The following ANO3 variants were observed in gnomAD, a reference collection of about 807,000 sequenced individuals.
ANO3 encodes the protein anoctamin-3.
Under a neutral mutation model 144.8 loss-of-function variants are expected in ANO3, and 99 were observed. That is an observed-to-expected ratio of 0.68 (90% CI 0.58 to 0.81). The LOEUF (loss-of-function observed/expected upper bound fraction) is 0.81, where lower values mean the gene tolerates loss of function less well. ANO3 is among the 30% of genes least tolerant of loss of function. ANO3 has a pLI of 0.00. For missense variants in ANO3, 905 were observed against 1,202.2 expected (o/e 0.75, Z 3.66); for synonymous variants, 414 against 392.6 (o/e 1.05, Z -0.64).
intron 1 of ANO3, among the ~76,000 whole-genome samples, chr11:26,233,000 G>A (rs1319385659): frequency 6.6e-6 from 1 of 152,078 alleles, no homozygotes; most frequent in East Asian, 1.9e-4. Context: ...GGCGGATCAC[G>A]AGGTCAGGAG....
rs1853881007 is a variant in ANO3, at chr11:26,661,645, T to A, written c.*1201T>A. On this transcript the variant is annotated 3_prime_UTR_variant, in exon 27 of 27. Transcript: ENST00000256737. ...TATGTTATTATTTCTTCCATAGTTT[T>A]GTTTTGGTTTATTTTTAACAACGCT... 1 of 152,132 alleles carries A rather than the reference T, an allele frequency of 6.6e-6. No homozygotes were observed. Among genetic ancestry groups the A allele is most frequent in the South Asian group, 2.1e-4 (1 of 4,834 alleles). 9.4% of individuals were successfully genotyped at this position (152,132 alleles called of 1,614,324 possible).
intron 8 of ANO3, 36 bp from the exon 9 acceptor site, chr11:26,534,420 G>T: frequency 1.4e-6 from 2 of 1,388,962 alleles, no homozygotes; most frequent in Non-Finnish European, 1.0e-6. Flanking sequence ...TCTGTGTTCT[G>T]CTTTGAATAT....
chr11:26,381,063 C>T (rs573189459), intron 1 of ANO3, among the ~76,000 whole-genome samples: 8 of 152,214 alleles, frequency 5.3e-5, no homozygotes, highest in South Asian at 2.1e-4. Flanking sequence ...CAGACTGAAT[C>T]GAGGCCCCTG....
chr11:26,335,644 C>A (rs555379139), intron 1 of ANO3, among the ~76,000 whole-genome samples: 1 of 152,298 alleles, frequency 6.6e-6, no homozygotes, highest in East Asian at 1.9e-4. Flanking sequence ...TTACTGTCCA[C>A]TCTTAAGTAC....
intron 17 of ANO3, among the ~76,000 whole-genome samples, chr11:26,609,370 G>A (rs1171144311): frequency 6.6e-6 from 1 of 151,690 alleles, no homozygotes; most frequent in Non-Finnish European, 1.5e-5. Flanking sequence ...TCCTGCAGGT[G>A]CAGGATATCA....
intron 4 of ANO3, among the ~76,000 whole-genome samples, chr11:26,486,517 C>G (rs1236984775): frequency 6.6e-6 from 1 of 152,088 alleles, no homozygotes; most frequent in Non-Finnish European, 1.5e-5. Context: ...TGTAAGTGCT[C>G]TTTGGCGTGA....
At chr11:26,438,778 C>CAAA (rs59906437) in intron 1 of ANO3, among the ~76,000 whole-genome samples, 1 of 108,856 alleles carries the variant, frequency 9.2e-6, no homozygotes. Flanking sequence ...AACTCTGTCT[C>CAAA]AAAAAAAAAA....
intron 14 of ANO3, among the ~76,000 whole-genome samples, chr11:26,591,781 C>T (rs958254125): frequency 6.6e-6 from 1 of 152,144 alleles, no homozygotes; most frequent in African/African-American, 2.4e-5. Flanking sequence ...GCTTGAAGAG[C>T]AGGTGCAGAT....
intron 1 of ANO3, among the ~76,000 whole-genome samples, chr11:26,339,709 A>T (rs1223525773): frequency 6.6e-6 from 1 of 152,138 alleles, no homozygotes; most frequent in Non-Finnish European, 1.5e-5. Flanking sequence ...TTCACCGTAT[A>T]TCTGAAATGA....
At chr11:26,213,285 A>C (rs1401412590) in intron 1 of ANO3, among the ~76,000 whole-genome samples, 1 of 152,134 alleles carries the variant, frequency 6.6e-6, no homozygotes, top group Admixed American at 6.6e-5. Context: ...GGCCAGGGAA[A>C]TCAGGCAAGA....
intron 1 of ANO3, among the ~76,000 whole-genome samples, chr11:26,363,550 C>T (rs1855982958): frequency 6.6e-6 from 1 of 152,096 alleles, no homozygotes; most frequent in Non-Finnish European, 1.5e-5. Context: ...ATTAGGGCCT[C>T]ACCTGTACAA....
chr11:26,651,580 T>G (rs981469007), intron 24 of ANO3, among the ~76,000 whole-genome samples: 1 of 152,174 alleles, frequency 6.6e-6, no homozygotes, highest in African/African-American at 2.4e-5. Context: ...TATTTTTCTT[T>G]AAGAAACGGG....
At chr11:26,320,277 C>T (rs1047451622) in intron 1 of ANO3, among the ~76,000 whole-genome samples, 3 of 152,180 alleles carry the variant, frequency 2.0e-5, no homozygotes, top group African/African-American at 7.2e-5. Context: ...CAGAGTATAA[C>T]GTCTGCTGCA....
At chr11:26,224,198 A>G (rs1285175206) in intron 1 of ANO3, among the ~76,000 whole-genome samples, 1 of 152,106 alleles carries the variant, frequency 6.6e-6, no homozygotes. Flanking sequence ...CTCCGGAGGC[A>G]CTGGGGCACA....
chr11:26,197,899 A>T (rs1008639022), intron 1 of ANO3, among the ~76,000 whole-genome samples: 1 of 152,088 alleles, frequency 6.6e-6, no homozygotes, highest in Non-Finnish European at 1.5e-5. Context: ...AATGAACATA[A>T]CATTTTTCTT....
chr11:26,317,282 T>C (rs1015323908), intron 1 of ANO3, among the ~76,000 whole-genome samples: 7 of 151,402 alleles, frequency 4.6e-5, no homozygotes, highest in Non-Finnish European at 1.0e-4. Flanking sequence ...TTTTGAAATG[T>C]ATATTAAGAG....
intron 18 of ANO3, among the ~76,000 whole-genome samples, chr11:26,625,838 AT>A (rs532139833): frequency 1.3e-3 from 203 of 152,230 alleles, no homozygotes; most frequent in Non-Finnish European, 2.7e-3. Context: ...TTTTTCTAGA[AT>A]TTGGATACTA....
At chr11:26,232,634 A>G (rs569990533) in intron 1 of ANO3, among the ~76,000 whole-genome samples, 116 of 152,338 alleles carry the variant, frequency 7.6e-4, no homozygotes, top group African/African-American at 2.7e-3. Flanking sequence ...AATTAACTCA[A>G]GATGGATTAA....
rs575173909 is a variant in ANO3, at chr11:26,565,283, G to T, written c.1447+5504G>T. The T allele has an allele frequency of 1.2e-5, 19 of 1,605,530 alleles. No homozygotes were observed. In the South Asian group the frequency reaches 2.0e-4, roughly 17 times the overall value. On this transcript the variant is annotated intron_variant, in intron 14 of 26. Coordinates refer to ENST00000256737, the MANE Select transcript of ANO3 (RefSeq NM_031418.4). ...ACCCAGTGAAGCTATCACTGTTTGTGGTAAGCCATCCACTTGGTTCCACTA... is the reference window on the plus strand; with the variant it reads ...ACCCAGTGAAGCTATCACTGTTTGTTGTAAGCCATCCACTTGGTTCCACTA...
Sources: allele counts gnomAD v4.1 joint callset (sites outside exome capture counted in the v4.1 genomes callset), GRCh38; gene constraint gnomAD v4.1.1; transcripts MANE v1.5; gene names NCBI Gene and HGNC (gene_info 2026-07-23, HGNC 2026-07-21).